GRIN2A: variants seen among roughly 807,000 people sequenced by gnomAD.
The protein encoded by GRIN2A is glutamate receptor ionotropic, NMDA 2A.
A neutral mutation model predicts 113.4 loss-of-function variants in GRIN2A; 22 were observed. That is an observed-to-expected ratio of 0.19 (90% confidence interval 0.14 to 0.28). The LOEUF (loss-of-function observed/expected upper bound fraction) is 0.28. Among genes scored for constraint, GRIN2A ranks in the 10% least tolerant of loss-of-function variants. The pLI is 1.00. For synonymous variants in GRIN2A, 827 were observed against 738.4 expected (o/e 1.12, Z -1.94); for missense variants, 1,502 against 1,887.0 (o/e 0.80, Z 3.78).
intron 2 of GRIN2A, among the ~76,000 whole-genome samples, chr16:10,083,771 T>G (rs568742314): frequency 2.6e-5 from 4 of 152,342 alleles, no homozygotes; most frequent in South Asian, 2.1e-4. Context: ...CAGCATGGCC[T>G]GTGCTCAGTT....
At chr16:9,985,386 T>C (rs985306354) in intron 2 of GRIN2A, among the ~76,000 whole-genome samples, 1 of 152,216 alleles carries the variant, frequency 6.6e-6, no homozygotes, top group African/African-American at 2.4e-5. Flanking sequence ...AGGAGACATC[T>C]GCACTCCCAT....
At chr16:9,782,254 G>T in intron 11 of GRIN2A, among the ~76,000 whole-genome samples, 1 of 152,038 alleles carries the variant, frequency 6.6e-6, no homozygotes, top group Middle Eastern at 3.4e-3. Flanking sequence ...TATTTAGATC[G>T]CATTTATATT....
At chr16:10,117,784 T>C (rs1409921906) in intron 2 of GRIN2A, among the ~76,000 whole-genome samples, 2 of 152,190 alleles carry the variant, frequency 1.3e-5, no homozygotes, top group Non-Finnish European at 2.9e-5. Flanking sequence ...AAATGAGTGT[T>C]AAGATAAAAA....
At chr16:9,929,601 A>C (rs1006925576) in intron 3 of GRIN2A, among the ~76,000 whole-genome samples, 1 of 152,196 alleles carries the variant, frequency 6.6e-6, no homozygotes, top group African/African-American at 2.4e-5. Flanking sequence ...GTTTCTACAC[A>C]TTAAAGCCTC....
intron 4 of GRIN2A, among the ~76,000 whole-genome samples, chr16:9,865,446 T>C (rs2043146310): frequency 6.6e-6 from 1 of 152,196 alleles, no homozygotes; most frequent in South Asian, 2.1e-4. Context: ...ATTATTAATA[T>C]AGTGGCAAAC....
At chr16:10,014,365 T>C (rs1388312229) in intron 2 of GRIN2A, among the ~76,000 whole-genome samples, 2 of 152,230 alleles carry the variant, frequency 1.3e-5, no homozygotes, top group Non-Finnish European at 2.9e-5. Flanking sequence ...TAAACCATAT[T>C]TGAAGCTTGA....
intron 2 of GRIN2A, among the ~76,000 whole-genome samples, chr16:10,034,553 A>G (rs1434891833): frequency 6.7e-6 from 1 of 149,808 alleles, no homozygotes; most frequent in African/African-American, 2.4e-5. Flanking sequence ...AAAAAAAAAA[A>G]AAAAAAAAAA....
chr16:9,760,721 C>A lies in GRIN2A; in HGVS notation c.*2428G>T, dbSNP rs1027137399. The A allele has an allele frequency of 4.4e-6, 1 of 227,930 alleles. No individual in the cohort carries two copies. Among genetic ancestry groups the A allele is most frequent in the Non-Finnish European group, 8.7e-6 (1 of 114,794 alleles). 14.1% of individuals were successfully genotyped at this position (227,930 alleles called of 1,614,324 possible). On this transcript the variant is annotated 3_prime_UTR_variant, in exon 13 of 13. Coordinates refer to ENST00000330684, the MANE Select transcript of GRIN2A (RefSeq NM_001134407.3). The stretch of plus-strand genomic sequence containing the variant: ...GGCAGCCCCCTGGGTTTAGAGGACA[C>A]CAGAGGAAGACAGAAAGCCTCTTTG...
chr16:9,950,410 A>T (rs547379402), intron 2 of GRIN2A, among the ~76,000 whole-genome samples: 2 of 152,212 alleles, frequency 1.3e-5, no homozygotes, highest in East Asian at 3.9e-4. Flanking sequence ...GGTAGAAAAA[A>T]GAAACTACCA....
At chr16:10,102,543 T>C (rs1049312637) in intron 2 of GRIN2A, among the ~76,000 whole-genome samples, 18 of 152,124 alleles carry the variant, frequency 1.2e-4, no homozygotes, top group African/African-American at 4.1e-4. Flanking sequence ...TTTTCTTTTT[T>C]TTCTTTTCTT....
chr16:9,818,924 G>A (rs1175799988), intron 10 of GRIN2A, among the ~76,000 whole-genome samples: 1 of 152,132 alleles, frequency 6.6e-6, no homozygotes, highest in Non-Finnish European at 1.5e-5. Context: ...ATTCACTACA[G>A]CTTTGTTTGC....
chr16:9,943,455 A>G (rs571061140), intron 2 of GRIN2A, among the ~76,000 whole-genome samples: 1 of 152,336 alleles, frequency 6.6e-6, no homozygotes, highest in Non-Finnish European at 1.5e-5. Flanking sequence ...AGAATGTTCC[A>G]GAGCTTGCTC....
At chr16:9,840,828 A>G (rs1407324805) in intron 6 of GRIN2A, 28 bp from the exon 7 acceptor site, 1 of 1,511,116 alleles carries the variant, frequency 6.6e-7, no homozygotes, top group Non-Finnish European at 9.0e-7. Context: ...AAAAAAAAAA[A>G]AAAAAGAGAG....
chr16:10,146,550 G>A (rs2049444000), intron 2 of GRIN2A, among the ~76,000 whole-genome samples: 1 of 151,772 alleles, frequency 6.6e-6, no homozygotes. Context: ...CCCTTCCACT[G>A]TGCTTAGCCA....
intron 2 of GRIN2A, among the ~76,000 whole-genome samples, chr16:10,042,349 G>A (rs1022610285): frequency 6.6e-6 from 1 of 152,106 alleles, no homozygotes; most frequent in Non-Finnish European, 1.5e-5. Context: ...CTCTGAGGAA[G>A]TTGGCTGCCA....
intron 2 of GRIN2A, among the ~76,000 whole-genome samples, chr16:9,941,155 C>A (rs945789246): frequency 6.6e-5 from 10 of 152,130 alleles, no homozygotes; most frequent in Admixed American, 2.6e-4. Flanking sequence ...CTAAAGGCAC[C>A]ATTGGAACCT....
At chr16:10,097,941 C>T (rs374771815) in intron 2 of GRIN2A, among the ~76,000 whole-genome samples, 20 of 152,174 alleles carry the variant, frequency 1.3e-4, no homozygotes, top group African/African-American at 4.3e-4. Flanking sequence ...GACAAATAGG[C>T]GGTACTTAAT....
intron 2 of GRIN2A, among the ~76,000 whole-genome samples, chr16:9,959,345 G>A (rs970503278): frequency 1.1e-4 from 17 of 152,168 alleles, no homozygotes; most frequent in Non-Finnish European, 2.2e-4. Flanking sequence ...AAATTATGAT[G>A]TTCTGTCTCC....
intron 11 of GRIN2A, among the ~76,000 whole-genome samples, chr16:9,783,796 T>G (rs1211926753): frequency 6.6e-6 from 1 of 152,200 alleles, no homozygotes; most frequent in African/African-American, 2.4e-5. Flanking sequence ...GTAAATATTG[T>G]TACTTTAAAG....
Sources: gnomAD v4.1 joint callset for allele counts (sites outside exome capture counted in the v4.1 genomes callset) on GRCh38, gnomAD v4.1.1 for gene constraint, MANE v1.5 for transcripts, NCBI Gene and HGNC (gene_info 2026-07-23, HGNC 2026-07-21) for gene names.